The following FOXP2 variants were observed in gnomAD, a reference collection of about 807,000 sequenced individuals.
FOXP2 encodes the protein forkhead box P2, also known as forkhead box protein P2.
In FOXP2, 12 loss-of-function variants were observed where a neutral mutation model predicts 115.8. The observed-to-expected ratio is 0.10, with a 90% CI of 0.07 to 0.17. FOXP2 has a LOEUF of 0.17. Among genes scored for constraint, FOXP2 ranks in the 10% least tolerant of loss-of-function variants. FOXP2 has a pLI of 1.00. For synonymous variants in FOXP2, 328 were observed against 297.7 expected (o/e 1.10, Z -1.05); for missense variants, 629 against 843.5 (o/e 0.75, Z 3.15).
intron 1 of FOXP2, among the ~76,000 whole-genome samples, chr7:114,270,355 G>C (rs942129337): frequency 2.6e-4 from 39 of 152,098 alleles, no homozygotes; most frequent in Admixed American, 2.6e-3. Flanking sequence ...ACAATATTCA[G>C]ATCCTTTGAT....
At chr7:114,529,435 A>G (rs1426317776) in intron 2 of FOXP2, among the ~76,000 whole-genome samples, 1 of 151,808 alleles carries the variant, frequency 6.6e-6, no homozygotes, top group Non-Finnish European at 1.5e-5. Flanking sequence ...AAGATATTTG[A>G]TTGGTAAATA....
At chr7:114,631,090 A>G (rs990810443) in intron 5 of FOXP2, 1 of 195,340 alleles carries the variant, frequency 5.1e-6, no homozygotes, top group African/African-American at 2.3e-5. Flanking sequence ...TATGAAGGCT[A>G]CATCCCAGTT....
At position 114,460,930 on chromosome 7, in the gene FOXP2, G is replaced by A. The variant is rs550896076; in HGVS notation, c.168+34251G>A. On this transcript the variant is annotated intron_variant, in intron 2 of 16. Transcript: ENST00000350908. ...GATTTTCATATTTCTTCCTCTATCC[G>A]AATCTTTACCATCCCTCCTTCCTTG... 1.6e-4 allele frequency among the ~76,000 whole-genome samples: 24 copies of A among 152,196 alleles called. No homozygotes were observed. In the East Asian group the frequency reaches 2.5e-3, roughly 16 times the overall value.
chr7:114,490,528 A>C (rs1464519051), intron 2 of FOXP2, among the ~76,000 whole-genome samples: 4 of 151,716 alleles, frequency 2.6e-5, no homozygotes, highest in Non-Finnish European at 5.9e-5. Context: ...TTTATACTTT[A>C]AGTTTTAGGG....
chr7:114,146,904 C>T (rs1302748456), intron 1 of FOXP2, among the ~76,000 whole-genome samples: 1 of 152,160 alleles, frequency 6.6e-6, no homozygotes, highest in African/African-American at 2.4e-5. Flanking sequence ...TACCTAGCTT[C>T]ATCCTAACCA....
intron 3 of FOXP2, among the ~76,000 whole-genome samples, chr7:114,625,181 A>G (rs1312068793): frequency 6.6e-6 from 1 of 151,696 alleles, no homozygotes; most frequent in Non-Finnish European, 1.5e-5. Flanking sequence ...AAATCTCCCA[A>G]CCAAAGATGA....
intron 1 of FOXP2, among the ~76,000 whole-genome samples, chr7:114,228,603 C>G (rs1387937602): frequency 1.3e-5 from 2 of 151,860 alleles, no homozygotes; most frequent in Non-Finnish European, 2.9e-5. Context: ...AAGAAAAGAG[C>G]TACTACCACT....
chr7:114,233,182 AAG>A (rs1402529968), intron 1 of FOXP2, among the ~76,000 whole-genome samples: 1 of 152,220 alleles, frequency 6.6e-6, no homozygotes, highest in African/African-American at 2.4e-5. Context: ...ACAATAAAAT[AAG>A]AGAGAAATGC....
At chr7:114,444,763 G>A (rs1794757296) in intron 2 of FOXP2, among the ~76,000 whole-genome samples, 1 of 152,050 alleles carries the variant, frequency 6.6e-6, no homozygotes, top group African/African-American at 2.4e-5. Flanking sequence ...CAGGAAAATA[G>A]ATATTTAATT....
intron 2 of FOXP2, among the ~76,000 whole-genome samples, chr7:114,295,554 A>G (rs1230541562): frequency 1.3e-5 from 2 of 152,202 alleles, no homozygotes; most frequent in South Asian, 2.1e-4. Flanking sequence ...TTTCCCCTAT[A>G]TGATATCCAA....
chr7:114,655,530 T>C (rs1348295812), intron 10 of FOXP2, among the ~76,000 whole-genome samples: 1 of 152,126 alleles, frequency 6.6e-6, no homozygotes, highest in East Asian at 1.9e-4. Flanking sequence ...TAGCGATATC[T>C]GAAGTGAGGA....
intron 1 of FOXP2, among the ~76,000 whole-genome samples, chr7:114,425,101 T>C (rs1793784761): frequency 1.3e-5 from 2 of 151,568 alleles, no homozygotes; most frequent in Non-Finnish European, 3.0e-5. Flanking sequence ...GCATCGCATT[T>C]TAAAAGATAA....
intron 3 of FOXP2, among the ~76,000 whole-genome samples, chr7:114,627,579 G>A (rs151107521): frequency 1.3e-5 from 2 of 152,010 alleles, no homozygotes; most frequent in Non-Finnish European, 2.9e-5. Flanking sequence ...CATCCGTTCT[G>A]TCTTTCTCTA....
intron 2 of FOXP2, among the ~76,000 whole-genome samples, chr7:114,402,130 A>T (rs1046892089): frequency 1.3e-4 from 20 of 152,292 alleles, no homozygotes; most frequent in Non-Finnish European, 2.6e-4. Context: ...TCCAAAAACA[A>T]CAACAAAAAG....
At position 114,188,498 on chromosome 7, in the gene FOXP2, A is replaced by G. The variant is rs372004724; in HGVS notation, c.-102+25410A>G. Among the ~76,000 whole-genome samples, 30 of 152,212 alleles carry G rather than the reference A, an allele frequency of 2.0e-4. No individual in the cohort carries two copies. In the South Asian group the frequency reaches 5.2e-3, roughly 26 times the overall value. ...TCTTATCTATGAGCTTTTGCTGACC[A>G]CCCTACTTAAAGGTAGCTCCTCAAT... On this transcript the variant is annotated intron_variant, in intron 1 of 17. Coordinates refer to the FOXP2 transcript ENST00000634411.
chr7:114,359,141 G>A (rs1188764988), intron 2 of FOXP2, among the ~76,000 whole-genome samples: 1 of 152,132 alleles, frequency 6.6e-6, no homozygotes, highest in African/African-American at 2.4e-5. Flanking sequence ...GGTGACTTGT[G>A]TCCCAGCCAT....
intron 10 of FOXP2, among the ~76,000 whole-genome samples, chr7:114,654,828 A>G (rs1462409814): frequency 6.6e-6 from 1 of 152,026 alleles, no homozygotes; most frequent in African/African-American, 2.4e-5. Context: ...CTCTCCCTCT[A>G]TTTCTTTAGG....
intron 10 of FOXP2, among the ~76,000 whole-genome samples, chr7:114,654,737 A>C (rs1427043092): frequency 6.6e-6 from 1 of 152,072 alleles, no homozygotes; most frequent in African/African-American, 2.4e-5. Flanking sequence ...CAACTGGGTA[A>C]CTCTAGTTTA....
intron 1 of FOXP2, among the ~76,000 whole-genome samples, chr7:114,116,946 G>A (rs890870649): frequency 3.3e-5 from 5 of 151,964 alleles, no homozygotes; most frequent in Admixed American, 2.6e-4. Flanking sequence ...GCATACTCTG[G>A]GAAAGGCTCT....
Sources: gnomAD v4.1 joint callset for allele counts (sites outside exome capture counted in the v4.1 genomes callset) on GRCh38, gnomAD v4.1.1 for gene constraint, MANE v1.5 for transcripts, NCBI Gene and HGNC (gene_info 2026-07-23, HGNC 2026-07-21) for gene names.